Variants in DSCAM observed in about 807,000 individuals in gnomAD.
DSCAM encodes the protein cell adhesion molecule DSCAM.
Under a neutral mutation model 217.7 loss-of-function variants are expected in DSCAM, and 47 were observed. That is an observed-to-expected ratio of 0.22 (90% CI 0.17 to 0.28). The LOEUF (loss-of-function observed/expected upper bound fraction) is 0.28. Among genes scored for constraint, DSCAM ranks in the 10% least tolerant of loss-of-function variants. The probability of loss-of-function intolerance (pLI) is 1.00; values close to 1 mark genes in which losing one functional copy is unlikely to be tolerated. For synonymous variants in DSCAM, 1,056 were observed against 1,015.3 expected (o/e 1.04, Z -0.76); for missense variants, 2,080 against 2,618.3 (o/e 0.79, Z 4.49).
Position 40,489,546 on chromosome 21 carries a change from G to A in DSCAM, c.509-120301C>T, listed in dbSNP as rs188413490. On this transcript the variant is annotated intron_variant, in intron 3 of 32. Transcript: ENST00000400454. ...TCCCAGCACTTTGGGAGGCCGAGGCGGGCGGATCACGAGGTCAGGAGATCG... is the reference window on the plus strand; with the variant it reads ...TCCCAGCACTTTGGGAGGCCGAGGCAGGCGGATCACGAGGTCAGGAGATCG... Among the ~76,000 whole-genome samples the A allele has an allele frequency of 0.016, 2,356 of 151,898 alleles. 102 individuals carry two copies. In the East Asian group the frequency reaches 0.16, roughly 10 times the overall value.
chr21:40,112,159 C>G lies in DSCAM; in HGVS notation c.3696+12036G>C, dbSNP rs374291199. On this transcript the variant is annotated intron_variant, in intron 20 of 32. Transcript: ENST00000400454. ...CACGTATTCCAAAATTGACCACATA[C>G]TTGGAAGTAAAGCTCTCCTCAGCAA... 2.4e-4 allele frequency among the ~76,000 whole-genome samples: 35 copies of G among 145,766 alleles called. 1 individual carries two copies. Among genetic ancestry groups the G allele is most frequent in the Non-Finnish European group, 1.9e-4 (12 of 64,560 alleles).
chr21:40,520,822 A>G (rs2076353037), intron 3 of DSCAM, among the ~76,000 whole-genome samples: 1 of 152,132 alleles, frequency 6.6e-6, no homozygotes, highest in African/African-American at 2.4e-5. Flanking sequence ...AAATAAATAA[A>G]TAAATAGAAA....
At chr21:40,183,970 T>C (rs896221024) in intron 14 of DSCAM, among the ~76,000 whole-genome samples, 2 of 152,118 alleles carry the variant, frequency 1.3e-5, no homozygotes, top group African/African-American at 2.4e-5. Context: ...CACAGGGACA[T>C]AGCATAAGGT....
intron 18 of DSCAM, among the ~76,000 whole-genome samples, chr21:40,137,583 G>T (rs1213714924): frequency 7.1e-6 from 1 of 141,168 alleles, no homozygotes; most frequent in African/African-American, 2.7e-5. Context: ...TGCCTCTGTA[G>T]GGCTGTTTAA....
intron 1 of DSCAM, among the ~76,000 whole-genome samples, chr21:40,763,486 G>A (rs898034052): frequency 3.9e-5 from 6 of 152,138 alleles, no homozygotes; most frequent in Admixed American, 2.0e-4. Context: ...TCATGGATAG[G>A]AAGAATCAAT....
At chr21:40,524,730 G>A (rs1475575246) in intron 3 of DSCAM, among the ~76,000 whole-genome samples, 1 of 152,028 alleles carries the variant, frequency 6.6e-6, no homozygotes, top group Non-Finnish European at 1.5e-5. Context: ...AATTCACAGG[G>A]CCAGGTGTGG....
At chr21:40,658,345 CT>C (rs1436297886) in intron 3 of DSCAM, among the ~76,000 whole-genome samples, 1 of 152,180 alleles carries the variant, frequency 6.6e-6, no homozygotes, top group Non-Finnish European at 1.5e-5. Context: ...GACCTTCTAG[CT>C]TTTTGTCAAG....
At chr21:40,289,602 C>T (rs1337630777) in intron 10 of DSCAM, among the ~76,000 whole-genome samples, 1 of 152,144 alleles carries the variant, frequency 6.6e-6, no homozygotes, top group African/African-American at 2.4e-5. Flanking sequence ...ATTCACATAG[C>T]TTTTATTACA....
chr21:40,300,153 TC>T (rs2073998764), intron 9 of DSCAM, among the ~76,000 whole-genome samples: 1 of 152,064 alleles, frequency 6.6e-6, no homozygotes, highest in Non-Finnish European at 1.5e-5. Flanking sequence ...TTTCACCCAC[TC>T]CCATCACGAT....
intron 3 of DSCAM, among the ~76,000 whole-genome samples, chr21:40,508,781 ATATTTT>A (rs2076234933): frequency 1.4e-4 from 1 of 7,242 alleles, no homozygotes; most frequent in Non-Finnish European, 2.2e-4. Flanking sequence ...ATATATATAT[ATATTTT>A]TTTTTTTTTT....
intron 3 of DSCAM, among the ~76,000 whole-genome samples, chr21:40,636,274 G>T (rs1042821817): frequency 1.3e-4 from 19 of 151,904 alleles, no homozygotes; most frequent in African/African-American, 4.6e-4. Context: ...AAGGAATCTG[G>T]CATACTGTGG....
intron 3 of DSCAM, among the ~76,000 whole-genome samples, chr21:40,468,785 C>T (rs1441447611): frequency 6.6e-6 from 1 of 151,608 alleles, no homozygotes; most frequent in South Asian, 2.1e-4. Flanking sequence ...AACCAAAAGT[C>T]GAAAATTTCT....
chr21:40,251,967 G>T (rs971190219), intron 11 of DSCAM, among the ~76,000 whole-genome samples: 1 of 152,194 alleles, frequency 6.6e-6, no homozygotes, highest in Admixed American at 6.5e-5. Context: ...AACAGCCAAA[G>T]AGTAAGTGAG....
At chr21:40,555,464 A>G (rs371497573) in intron 3 of DSCAM, among the ~76,000 whole-genome samples, 2 of 152,226 alleles carry the variant, frequency 1.3e-5, no homozygotes, top group African/African-American at 2.4e-5. Flanking sequence ...AAATATCAAG[A>G]TCGAGTAATG....
At chr21:40,425,551 A>T in intron 3 of DSCAM, among the ~76,000 whole-genome samples, 1 of 151,592 alleles carries the variant, frequency 6.6e-6, no homozygotes, top group African/African-American at 2.4e-5. Context: ...AAAAAAAAAA[A>T]CATACAAAAA....
intron 32 of DSCAM, among the ~76,000 whole-genome samples, chr21:40,033,563 G>C (rs2146454410): frequency 6.6e-6 from 1 of 151,712 alleles, no homozygotes; most frequent in South Asian, 2.1e-4. Flanking sequence ...ACAGCAGTCT[G>C]AGATCAAACT....
chr21:40,469,855 T>C (rs1205156213), intron 3 of DSCAM, among the ~76,000 whole-genome samples: 2 of 152,218 alleles, frequency 1.3e-5, no homozygotes, highest in African/African-American at 4.8e-5. Flanking sequence ...ATTATTTGCA[T>C]GTAGTGTTTG....
At chr21:40,039,554 G>C (rs2088704040) in intron 32 of DSCAM, among the ~76,000 whole-genome samples, 1 of 151,868 alleles carries the variant, frequency 6.6e-6, no homozygotes, top group South Asian at 2.1e-4. Context: ...AACACACACA[G>C]GAGATATATA....
intron 3 of DSCAM, among the ~76,000 whole-genome samples, chr21:40,626,235 C>T (rs1303578247): frequency 6.6e-6 from 1 of 152,090 alleles, no homozygotes; most frequent in Non-Finnish European, 1.5e-5. Context: ...TCATCCCTGC[C>T]CTCAGCCCAT....
Sources: allele counts gnomAD v4.1 joint callset (sites outside exome capture counted in the v4.1 genomes callset), GRCh38; gene constraint gnomAD v4.1.1; transcripts MANE v1.5; gene names NCBI Gene and HGNC (gene_info 2026-07-23, HGNC 2026-07-21).